Variants in NPSR1 observed in about 807,000 individuals in gnomAD.
The protein encoded by NPSR1 is neuropeptide S receptor 1, also known as neuropeptide S receptor.
A neutral mutation model predicts 46.9 loss-of-function variants in NPSR1; 48 were observed. The ratio of observed to expected loss-of-function variants is 1.02; its 90% CI spans 0.81 to 1.30. The LOEUF is 1.30. Ranked by LOEUF, NPSR1 falls within the 50% of genes most tolerant of loss-of-function variation. The pLI is 0.00. For missense variants in NPSR1, 450 were observed against 449.5 expected (o/e 1.00, Z -0.01); for synonymous variants, 176 against 168.1 (o/e 1.05, Z -0.36).
At chr7:34,742,537 A>G (rs1276143533) in intron 2 of NPSR1, among the ~76,000 whole-genome samples, 1 of 152,224 alleles carries the variant, frequency 6.6e-6, no homozygotes, top group Non-Finnish European at 1.5e-5. Flanking sequence ...CATGATGTAT[A>G]TGTACTACAT....
chr7:34,712,522 A>T lies in NPSR1; in HGVS notation c.280+27838A>T, dbSNP rs34325128. 8.7e-4 allele frequency among the ~76,000 whole-genome samples: 133 copies of T among 152,324 alleles called. 1 individual carries two copies. Among genetic ancestry groups the T allele is most frequent in the African/African-American group, 3.1e-3 (128 of 41,570 alleles). On this transcript the variant is annotated intron_variant, in intron 2 of 8. Transcript: ENST00000360581. Reference sequence around the variant, plus strand: ...ATTTTTCTGTTGTGTGAAGGCATCCACAATTTATAAAGTACCTGGTGATTC... The same window carrying T: ...ATTTTTCTGTTGTGTGAAGGCATCCTCAATTTATAAAGTACCTGGTGATTC...
chr7:34,792,643 A>T (rs934939690), intron 3 of NPSR1, among the ~76,000 whole-genome samples: 2 of 91,514 alleles, frequency 2.2e-5, no homozygotes, highest in African/African-American at 4.0e-5. Flanking sequence ...GTGTATGTGT[A>T]TATATATATG....
At chr7:34,748,627 T>C (rs1020548472) in intron 2 of NPSR1, among the ~76,000 whole-genome samples, 1 of 152,144 alleles carries the variant, frequency 6.6e-6, no homozygotes, top group African/African-American at 2.4e-5. Flanking sequence ...AAAATGCTGT[T>C]GAGAGAGTAA....
At position 34,684,777 on chromosome 7, in the gene NPSR1, T is replaced by C. The variant is rs570036460; in HGVS notation, c.280+93T>C. Reference sequence around the variant, plus strand: ...GAATTTTATCAAAAAAAAAAAAATGTAACGCATCGGTCAATTTGGGAATAA... The same window carrying C: ...GAATTTTATCAAAAAAAAAAAAATGCAACGCATCGGTCAATTTGGGAATAA... On this transcript the variant is annotated intron_variant, in intron 2 of 8. Transcript: ENST00000360581. The C allele has an allele frequency of 2.8e-3, 2,579 of 907,782 alleles. 11 individuals carry two copies. Among genetic ancestry groups the C allele is most frequent in the Non-Finnish European group, 2.9e-3 (1,811 of 621,052 alleles). 56.2% of individuals were successfully genotyped at this position (907,782 alleles called of 1,614,324 possible).
At chr7:34,778,134 G>A (rs1787061690) in intron 2 of NPSR1, among the ~76,000 whole-genome samples, 1 of 152,110 alleles carries the variant, frequency 6.6e-6, no homozygotes, top group African/African-American at 2.4e-5. Context: ...TTCTCACACA[G>A]TGCTTTCTTT....
Position 34,684,646 on chromosome 7 carries a change from C to A in NPSR1, c.242C>A (p.Ser81Ter). The part of the protein sequence containing the change: ...LFSTWRRKKK[S>*]RMTFFVTQLA... ...TCCACATGGAGGAGAAAGAAGAAGT[C>A]AAGAATGACCTTCTTTGTGACTCAG... Residue 81 changes from serine (S) to a stop codon, truncating the protein, a stop_gained, in exon 2 of 9, where the codon TCA becomes TAA. Transcript: ENST00000360581. LOFTEE classifies it high-confidence loss of function. The A allele has an allele frequency of 6.2e-7, 1 of 1,613,270 alleles. No homozygotes were observed. Among genetic ancestry groups the A allele is most frequent in the South Asian group, 1.1e-5 (1 of 90,938 alleles).
chr7:34,815,271 G>C (rs1263491130), intron 4 of NPSR1, among the ~76,000 whole-genome samples: 2 of 152,134 alleles, frequency 1.3e-5, no homozygotes, highest in Non-Finnish European at 2.9e-5. Context: ...ACTTCGTGAG[G>C]CATGCACAAG....
chr7:34,789,178 A>T (rs1787604404), intron 3 of NPSR1, among the ~76,000 whole-genome samples: 1 of 152,028 alleles, frequency 6.6e-6, no homozygotes, highest in Non-Finnish European at 1.5e-5. Flanking sequence ...TATACCAATA[A>T]ATACCTACAT....
At chr7:34,877,349 G>T (rs1254029073) in intron 8 of NPSR1, among the ~76,000 whole-genome samples, 1 of 152,198 alleles carries the variant, frequency 6.6e-6, no homozygotes, top group East Asian at 1.9e-4. Context: ...AAAGAAGGTG[G>T]CCCACTCCTG....
intron 2 of NPSR1, among the ~76,000 whole-genome samples, chr7:34,712,855 T>G (rs374241949): frequency 2.6e-5 from 4 of 152,240 alleles, no homozygotes; most frequent in Admixed American, 6.5e-5. Flanking sequence ...CTCCATTTTC[T>G]TGCCCTGATA....
At chr7:34,725,547 C>A (rs936760516) in intron 2 of NPSR1, among the ~76,000 whole-genome samples, 3 of 152,324 alleles carry the variant, frequency 2.0e-5, no homozygotes, top group East Asian at 1.9e-4. Flanking sequence ...AGAGCCTGTG[C>A]TCCCAAACAC....
At chr7:34,846,740 A>T (rs12154551) in intron 7 of NPSR1, among the ~76,000 whole-genome samples, 27,376 of 152,214 alleles carry the variant, frequency 0.18, 2,761 homozygotes, top group Non-Finnish European at 0.24. Flanking sequence ...AAAATTTTGA[A>T]TTAAACAAAG....
chr7:34,677,098 T>C (rs545271163), intron 1 of NPSR1, among the ~76,000 whole-genome samples: 1 of 152,206 alleles, frequency 6.6e-6, no homozygotes, highest in Non-Finnish European at 1.5e-5. Context: ...CCAGGGTGAT[T>C]TGATATGCAG....
chr7:34,829,015 C>A (rs1438390578), intron 5 of NPSR1, among the ~76,000 whole-genome samples: 7 of 152,148 alleles, frequency 4.6e-5, no homozygotes, highest in East Asian at 1.9e-4. Context: ...ATATGCATTT[C>A]TTTAATTACT....
At chr7:34,827,235 A>G (rs1166154728) in intron 4 of NPSR1, among the ~76,000 whole-genome samples, 166 bp from the exon 5 acceptor site, 1 of 152,214 alleles carries the variant, frequency 6.6e-6, no homozygotes, top group African/African-American at 2.4e-5. Flanking sequence ...TTGACAATGT[A>G]TGGAGATACT....
At chr7:34,874,804 A>C (rs1791539095) in intron 8 of NPSR1, among the ~76,000 whole-genome samples, 1 of 152,116 alleles carries the variant, frequency 6.6e-6, no homozygotes, top group Non-Finnish European at 1.5e-5. Context: ...TACCAAGTTA[A>C]ATGACCCCAG....
At chr7:34,870,521 A>G (rs999205227) in intron 8 of NPSR1, among the ~76,000 whole-genome samples, 5 of 151,770 alleles carry the variant, frequency 3.3e-5, no homozygotes, top group Admixed American at 6.5e-5. Flanking sequence ...TTTCTGAGCT[A>G]AAATTATTCC....
intron 2 of NPSR1, among the ~76,000 whole-genome samples, chr7:34,774,235 C>A (rs1441398658): frequency 6.6e-6 from 1 of 152,196 alleles, no homozygotes; most frequent in Non-Finnish European, 1.5e-5. Context: ...CCATTGTCAG[C>A]CAGGATTGGC....
intron 2 of NPSR1, among the ~76,000 whole-genome samples, chr7:34,743,582 G>A (rs1785058567): frequency 6.6e-6 from 1 of 152,068 alleles, no homozygotes; most frequent in Non-Finnish European, 1.5e-5. Context: ...TGGGATTACA[G>A]GCACCCACTA....
Sources: allele counts gnomAD v4.1 joint callset (sites outside exome capture counted in the v4.1 genomes callset), GRCh38; gene constraint gnomAD v4.1.1; transcripts MANE v1.5; gene names NCBI Gene and HGNC (gene_info 2026-07-23, HGNC 2026-07-21).